The following CNTNAP5 variants were observed in gnomAD, a reference collection of about 807,000 sequenced individuals.
CNTNAP5 encodes the protein contactin-associated protein-like 5.
A neutral mutation model predicts 150.2 loss-of-function variants in CNTNAP5; 72 were observed. That is an observed-to-expected ratio of 0.48 (90% CI 0.40 to 0.58). The LOEUF (loss-of-function observed/expected upper bound fraction) is 0.58, where lower values mean the gene tolerates loss of function less well. Ranked by LOEUF, CNTNAP5 falls within the 20% of genes least tolerant of loss-of-function variation. The probability of loss-of-function intolerance (pLI) is 0.00; values close to 1 mark genes in which losing one functional copy is unlikely to be tolerated. For missense variants in CNTNAP5, 1,636 were observed against 1,626.2 expected (o/e 1.01, Z -0.10); for synonymous variants, 672 against 619.8 (o/e 1.08, Z -1.25).
chr2:124,048,010 G>A (rs563538907), intron 1 of CNTNAP5, among the ~76,000 whole-genome samples: 23 of 152,196 alleles, frequency 1.5e-4, no homozygotes, highest in African/African-American at 2.2e-4. Flanking sequence ...GCTTAGCTCC[G>A]TCATAAACAT....
chr2:124,776,815 C>T (rs572517707), intron 17 of CNTNAP5, among the ~76,000 whole-genome samples: 2 of 152,206 alleles, frequency 1.3e-5, no homozygotes, highest in South Asian at 2.1e-4. Context: ...TAATAATTAT[C>T]ATGACATCAA....
At chr2:124,771,455 C>A (rs1681189990) in intron 16 of CNTNAP5, among the ~76,000 whole-genome samples, 1 of 152,178 alleles carries the variant, frequency 6.6e-6, no homozygotes, top group East Asian at 1.9e-4. Context: ...TTCTGCTAAC[C>A]ACTTAAGACA....
rs1465432738 is a variant in CNTNAP5 at position 124,917,089 on chromosome 2, TTGAAAGCA to T, written c.*2803_*2810del. 6.6e-6 allele frequency among the ~76,000 whole-genome samples: 1 copy of T among 152,074 alleles called. No homozygotes were observed. Among genetic ancestry groups the T allele is most frequent in the Non-Finnish European group, 1.5e-5 (1 of 67,988 alleles). On this transcript the variant is annotated 3_prime_UTR_variant, in exon 24 of 24. Transcript: ENST00000682447. ...TGCAATTATCATCTCGAAGGAGACT[TTGAAAGCA>T]TCTTAATCTCTCTTTAACCATTTTT...
chr2:124,089,856 G>A (rs1440508277), intron 1 of CNTNAP5, among the ~76,000 whole-genome samples: 8 of 152,226 alleles, frequency 5.3e-5, no homozygotes, highest in Non-Finnish European at 8.8e-5. Context: ...TATCCTAGCT[G>A]TTCTAGCCCT....
intron 4 of CNTNAP5, among the ~76,000 whole-genome samples, chr2:124,419,153 A>AAAAAAAAAAAAAAAAAAC (rs1553466545): frequency 1.6e-4 from 12 of 76,404 alleles, no homozygotes; most frequent in Admixed American, 3.2e-4. Context: ...AAAAAAAAAA[A>AAAAAAAAAAAAAAAAAAC]AAAAAAAAAA....
chr2:124,331,702 AAGATGTTAAAT>A (rs1359980076), intron 3 of CNTNAP5, among the ~76,000 whole-genome samples: 1 of 152,010 alleles, frequency 6.6e-6, no homozygotes, highest in Non-Finnish European at 1.5e-5. Context: ...AAGAAAATAC[AAGATGTTAAAT>A]AGATGTTAAA....
At chr2:124,052,806 T>G (rs1167654874) in intron 1 of CNTNAP5, among the ~76,000 whole-genome samples, 1 of 152,226 alleles carries the variant, frequency 6.6e-6, no homozygotes, top group Non-Finnish European at 1.5e-5. Context: ...AAATTAGGTC[T>G]GCATTTTGTA....
Position 124,241,455 on chromosome 2 carries a change from C to T in CNTNAP5, c.188-745C>T, listed in dbSNP as rs139252053. Among the ~76,000 whole-genome samples the T allele has an allele frequency of 4.6e-3, 704 of 152,238 alleles. 4 individuals are homozygous for T. Among genetic ancestry groups the T allele is most frequent in the African/African-American group, 0.016 (654 of 41,544 alleles). On this transcript the variant is annotated intron_variant, in intron 2 of 23. Coordinates refer to ENST00000682447, the MANE Select transcript of CNTNAP5 (RefSeq NM_001367498.1). ...TTTTCCTAGGATATGGCTGCACTTG[C>T]CTCAGGTTTCACCTCTACTATTGCT...
intron 6 of CNTNAP5, among the ~76,000 whole-genome samples, chr2:124,473,869 C>T (rs1693578144): frequency 6.6e-6 from 1 of 151,930 alleles, no homozygotes; most frequent in South Asian, 2.1e-4. Context: ...TGTGTTAATA[C>T]TAATTAGAAA....
chr2:124,622,216 T>C (rs1677632307), intron 12 of CNTNAP5, among the ~76,000 whole-genome samples: 1 of 151,948 alleles, frequency 6.6e-6, no homozygotes, highest in Admixed American at 6.6e-5. Context: ...TGAGAACATG[T>C]GGTGTTTGGT....
intron 19 of CNTNAP5, among the ~76,000 whole-genome samples, chr2:124,845,195 T>A (rs191841938): frequency 6.6e-6 from 1 of 152,222 alleles, no homozygotes; most frequent in East Asian, 1.9e-4. Context: ...AAAGTGATAC[T>A]GGTTTTTTTC....
At chr2:124,441,966 T>A (rs1692685472) in intron 5 of CNTNAP5, among the ~76,000 whole-genome samples, 2 of 151,382 alleles carry the variant, frequency 1.3e-5, no homozygotes, top group Non-Finnish European at 3.0e-5. Flanking sequence ...TTCATAAAAA[T>A]TTCATGAGCT....
chr2:124,386,420 A>G (rs1015139518), intron 3 of CNTNAP5, among the ~76,000 whole-genome samples: 1 of 152,226 alleles, frequency 6.6e-6, no homozygotes, highest in Non-Finnish European at 1.5e-5. Flanking sequence ...TTCCTGTAAC[A>G]TACCTGCAGA....
At chr2:124,679,153 A>C (rs1234229188) in intron 13 of CNTNAP5, among the ~76,000 whole-genome samples, 2 of 151,822 alleles carry the variant, frequency 1.3e-5, no homozygotes, top group Admixed American at 6.7e-5. Flanking sequence ...GTATGCAGCA[A>C]CTTCTGGTTT....
chr2:124,321,770 G>C (rs1223455696), intron 3 of CNTNAP5, among the ~76,000 whole-genome samples: 1 of 152,110 alleles, frequency 6.6e-6, no homozygotes, highest in Non-Finnish European at 1.5e-5. Flanking sequence ...ATGTACTCTG[G>C]ATCTTTTAAA....
At chr2:124,881,137 T>G (rs935860739) in intron 21 of CNTNAP5, among the ~76,000 whole-genome samples, 1 of 151,990 alleles carries the variant, frequency 6.6e-6, no homozygotes, top group African/African-American at 2.4e-5. Context: ...ATCTATTGTG[T>G]AGAGAGGAGA....
At chr2:124,471,193 G>A (rs77084203) in intron 6 of CNTNAP5, among the ~76,000 whole-genome samples, 3,325 of 152,094 alleles carry the variant, frequency 0.022, 73 homozygotes, top group South Asian at 0.054. Context: ...TTGATTCTCC[G>A]TATCCATGAA....
intron 1 of CNTNAP5, among the ~76,000 whole-genome samples, chr2:124,184,112 T>C (rs1685273217): frequency 6.6e-6 from 1 of 152,056 alleles, no homozygotes; most frequent in Admixed American, 6.6e-5. Flanking sequence ...CGAGGAGTTT[T>C]TGAGTGGGAG....
At chr2:124,666,280 G>A (rs1678697991) in intron 13 of CNTNAP5, among the ~76,000 whole-genome samples, 1 of 152,118 alleles carries the variant, frequency 6.6e-6, no homozygotes, top group Non-Finnish European at 1.5e-5. Flanking sequence ...TCTTTAATTT[G>A]CCATGGGTTA....
Sources: allele counts gnomAD v4.1 joint callset (sites outside exome capture counted in the v4.1 genomes callset), GRCh38; gene constraint gnomAD v4.1.1; transcripts MANE v1.5; gene names NCBI Gene and HGNC (gene_info 2026-07-23, HGNC 2026-07-21).